PCDH15: variants seen among roughly 807,000 people sequenced by gnomAD.
The protein encoded by PCDH15 is protocadherin related 15, also known as protocadherin-15.
Under a neutral mutation model 178.5 loss-of-function variants are expected in PCDH15, and 129 were observed. That is an observed-to-expected ratio of 0.72 (90% CI 0.63 to 0.84). The LOEUF (loss-of-function observed/expected upper bound fraction) is 0.84, where lower values mean the gene tolerates loss of function less well. Among genes scored for constraint, PCDH15 ranks in the 40% least tolerant of loss-of-function variants. The pLI, the probability that PCDH15 is intolerant of heterozygous loss-of-function variation, is 0.00. For missense variants in PCDH15, 2,230 were observed against 2,099.9 expected (o/e 1.06, Z -1.21); for synonymous variants, 800 against 732.0 (o/e 1.09, Z -1.50).
At chr10:54,182,291 T>G (rs1296978474) in intron 13 of PCDH15, among the ~76,000 whole-genome samples, 2 of 152,328 alleles carry the variant, frequency 1.3e-5, no homozygotes, top group Middle Eastern at 3.4e-3. Context: ...CTAATTTTAA[T>G]TAACAATTAA....
chr10:54,396,027 T>C (rs1255813358), intron 3 of PCDH15, among the ~76,000 whole-genome samples: 1 of 152,104 alleles, frequency 6.6e-6, no homozygotes, highest in Non-Finnish European at 1.5e-5. Flanking sequence ...AAGAAGCAGA[T>C]GAAGAAAAGC....
chr10:53,915,192 T>C (rs1564758395), intron 25 of PCDH15, among the ~76,000 whole-genome samples: 3 of 152,214 alleles, frequency 2.0e-5, no homozygotes, highest in African/African-American at 4.8e-5. Context: ...GAGAGAAATA[T>C]GTTATAGTGT....
At chr10:55,624,200 T>G (rs1418970040) in intron 2 of PCDH15, among the ~76,000 whole-genome samples, 1 of 151,962 alleles carries the variant, frequency 6.6e-6, no homozygotes, top group Non-Finnish European at 1.5e-5. Context: ...TCTCTTAGGT[T>G]AAGTTTATTT....
chr10:54,440,670 A>G (rs1314957857), intron 3 of PCDH15, among the ~76,000 whole-genome samples: 1 of 151,994 alleles, frequency 6.6e-6, no homozygotes, highest in Non-Finnish European at 1.5e-5. Flanking sequence ...ACAATTTTCT[A>G]TGTATGTAAA....
At chr10:55,395,237 G>C (rs952263791) in intron 2 of PCDH15, among the ~76,000 whole-genome samples, 4 of 149,060 alleles carry the variant, frequency 2.7e-5, no homozygotes, top group African/African-American at 7.4e-5. Context: ...GAGAGAAAGA[G>C]ACTACGTACG....
chr10:54,960,450 G>T lies in PCDH15; in HGVS notation c.-79-62950C>A, dbSNP rs139277639. ...GAGGTGGGCAGTATTTCACAAAGGTGCCTATAGGCACACTACCTCCATAGA... is the reference window on the plus strand; with the variant it reads ...GAGGTGGGCAGTATTTCACAAAGGTTCCTATAGGCACACTACCTCCATAGA... On this transcript the variant is annotated intron_variant, in intron 2 of 5. Transcript: ENST00000458638. 3.1e-3 allele frequency among the ~76,000 whole-genome samples: 477 copies of T among 152,184 alleles called. 1 individual carries two copies. Among genetic ancestry groups the T allele is most frequent in the African/African-American group, 0.011 (442 of 41,518 alleles).
intron 2 of PCDH15, among the ~76,000 whole-genome samples, chr10:55,055,591 C>T (rs1841277193): frequency 6.6e-6 from 1 of 152,112 alleles, no homozygotes; most frequent in African/African-American, 2.4e-5. Flanking sequence ...TACCTTGAGT[C>T]CAGGATTTCG....
At chr10:55,186,659 T>A (rs1356110571) in intron 1 of PCDH15, among the ~76,000 whole-genome samples, 1 of 151,824 alleles carries the variant, frequency 6.6e-6, no homozygotes, top group Non-Finnish European at 1.5e-5. Flanking sequence ...TTAAAAAATC[T>A]ATAAATTTTA....
intron 2 of PCDH15, among the ~76,000 whole-genome samples, chr10:55,051,364 G>T (rs1391277086): frequency 4.6e-5 from 7 of 152,006 alleles, no homozygotes; most frequent in Non-Finnish European, 4.4e-5. Flanking sequence ...TGTTATGACT[G>T]CATTAATGTA....
chr10:54,625,844 A>G (rs1445399952), intron 2 of PCDH15, among the ~76,000 whole-genome samples: 2 of 152,182 alleles, frequency 1.3e-5, no homozygotes, highest in Non-Finnish European at 2.9e-5. Flanking sequence ...AACAGTTTAG[A>G]GGGCTCAGAA....
intron 2 of PCDH15, among the ~76,000 whole-genome samples, chr10:55,342,125 T>C (rs1844618111): frequency 6.6e-6 from 1 of 151,570 alleles, no homozygotes; most frequent in Non-Finnish European, 1.5e-5. Context: ...AAATTTTATT[T>C]TCCCTGAATC....
At chr10:54,205,110 G>A (rs531664661) in intron 10 of PCDH15, among the ~76,000 whole-genome samples, 3 of 152,190 alleles carry the variant, frequency 2.0e-5, no homozygotes, top group Non-Finnish European at 2.9e-5. Context: ...TCTGTAGGGA[G>A]AGCCCTGAAG....
chr10:54,662,260 A>C (rs879602836), intron 2 of PCDH15, among the ~76,000 whole-genome samples: 4 of 152,028 alleles, frequency 2.6e-5, no homozygotes, highest in Non-Finnish European at 5.9e-5. Context: ...GACACTTCCC[A>C]AAAGAAGAAA....
chr10:55,438,094 C>A (rs1839089595), intron 2 of PCDH15, among the ~76,000 whole-genome samples: 1 of 151,890 alleles, frequency 6.6e-6, no homozygotes, highest in African/African-American at 2.4e-5. Flanking sequence ...CTCAGCCTCC[C>A]AAAGTGCTGG....
intron 3 of PCDH15, among the ~76,000 whole-genome samples, chr10:54,813,143 G>A (rs144502641): frequency 9.9e-4 from 151 of 152,202 alleles, no homozygotes; most frequent in African/African-American, 3.4e-3. Context: ...TTCCTTCTTA[G>A]TCTTTTGGTG....
chr10:54,364,398 C>T (rs1368654394), intron 5 of PCDH15, among the ~76,000 whole-genome samples: 1 of 151,852 alleles, frequency 6.6e-6, no homozygotes, highest in Non-Finnish European at 1.5e-5. Context: ...ATTTTAAGCT[C>T]AATTGTTTGA....
At chr10:53,993,407 G>C (rs140036399) in intron 21 of PCDH15, among the ~76,000 whole-genome samples, 66 of 152,258 alleles carry the variant, frequency 4.3e-4, no homozygotes, top group Non-Finnish European at 9.0e-4. Flanking sequence ...TTTGATTCCT[G>C]TCCTCAAGGA....
At chr10:55,007,823 A>T (rs1171887857) in intron 2 of PCDH15, among the ~76,000 whole-genome samples, 1 of 152,150 alleles carries the variant, frequency 6.6e-6, no homozygotes, top group Non-Finnish European at 1.5e-5. Flanking sequence ...TGTAAATGGT[A>T]TAAAAATATA....
chr10:55,573,469 C>T (rs1326209327), intron 2 of PCDH15, among the ~76,000 whole-genome samples: 1 of 152,052 alleles, frequency 6.6e-6, no homozygotes, highest in Admixed American at 6.6e-5. Context: ...GAAATAATTA[C>T]AAGTTTTCAA....
Sources: gnomAD v4.1 joint callset for allele counts (sites outside exome capture counted in the v4.1 genomes callset) on GRCh38, gnomAD v4.1.1 for gene constraint, MANE v1.5 for transcripts, NCBI Gene and HGNC (gene_info 2026-07-23, HGNC 2026-07-21) for gene names.